FTO: variants seen among roughly 807,000 people sequenced by gnomAD.
FTO encodes the protein alpha-ketoglutarate-dependent dioxygenase FTO.
Under a neutral mutation model 63.9 loss-of-function variants are expected in FTO, and 47 were observed. The observed-to-expected ratio is 0.74, with a 90% CI of 0.58 to 0.94. FTO has a LOEUF of 0.94. Among genes scored for constraint, FTO ranks in the 40% least tolerant of loss-of-function variants. The pLI, the probability that FTO is intolerant of heterozygous loss-of-function variation, is 0.00. For missense variants in FTO, 562 were observed against 618.1 expected (o/e 0.91, Z 0.96); for synonymous variants, 207 against 224.4 (o/e 0.92, Z 0.69).
intron 7 of FTO, among the ~76,000 whole-genome samples, chr16:53,890,404 T>C (rs998090421): frequency 1.3e-5 from 2 of 152,176 alleles, no homozygotes; most frequent in Non-Finnish European, 2.9e-5. Context: ...TTCTTCTGTC[T>C]TATTTATTAT....
chr16:54,037,330 T>C (rs2084964068), intron 8 of FTO, among the ~76,000 whole-genome samples: 1 of 152,220 alleles, frequency 6.6e-6, no homozygotes, highest in African/African-American at 2.4e-5. Context: ...ACCACTCCTT[T>C]AAAGAGTAAG....
intron 8 of FTO, among the ~76,000 whole-genome samples, chr16:53,976,750 G>A (rs2083445599): frequency 6.6e-6 from 1 of 151,984 alleles, no homozygotes; most frequent in Non-Finnish European, 1.5e-5. Flanking sequence ...TCTTAAATGA[G>A]TTTTAAAATT....
intron 8 of FTO, among the ~76,000 whole-genome samples, chr16:53,958,532 G>C (rs1057341357): frequency 6.6e-6 from 1 of 152,220 alleles, no homozygotes; most frequent in African/African-American, 2.4e-5. Context: ...AAAAAAGAGA[G>C]AGCGAGATTA....
intron 1 of FTO, among the ~76,000 whole-genome samples, chr16:53,803,050 T>C (rs2078266222): frequency 6.6e-6 from 1 of 152,258 alleles, no homozygotes; most frequent in African/African-American, 2.4e-5. Context: ...GATTTTTCTC[T>C]TCATTATCAG....
intron 1 of FTO, among the ~76,000 whole-genome samples, chr16:53,749,882 T>C (rs927996139): frequency 6.6e-6 from 1 of 152,232 alleles, no homozygotes; most frequent in Admixed American, 6.5e-5. Flanking sequence ...AAATGCTTTT[T>C]CTGCATCTAA....
In FTO at chr16:53,888,975, G is replaced by A. The variant is rs117546833; in HGVS notation, c.1239+24G>A. 1,425 of 1,612,948 alleles carry A rather than the reference G, an allele frequency of 8.8e-4. 12 individuals carry two copies. In the East Asian group the frequency reaches 0.023, roughly 26 times the overall value. On this transcript the variant is annotated intron_variant, in intron 7 of 8. Coordinates refer to ENST00000471389, the MANE Select transcript of FTO (RefSeq NM_001080432.3). ...TGGTAAGTCCATCAGACCTGGGACC[G>A]TGTTTTCTGGGCTGCTGTGTTATAC...
chr16:53,957,179 C>T (rs911066070), intron 8 of FTO, among the ~76,000 whole-genome samples: 19 of 152,086 alleles, frequency 1.2e-4, no homozygotes, highest in Admixed American at 1.0e-3. Context: ...TTCTGACAGA[C>T]GTGTAAACAG....
rs971975038 is a variant in FTO at position 54,081,438 on chromosome 16, C to T, written c.1365-30324C>T. Among the ~76,000 whole-genome samples the T allele has an allele frequency of 3.9e-5, 6 of 152,120 alleles. No homozygotes were observed. The South Asian group carries it at 1.2e-3, about 32-fold the overall frequency. The stretch of plus-strand genomic sequence containing the variant: ...TTACACTCACAGATATGAAATCCAG[C>T]CTGACACCCAATCAGGACACATTCT... On this transcript the variant is annotated intron_variant, in intron 8 of 8. Transcript: ENST00000471389.
chr16:53,813,152 G>A (rs1368164197), intron 2 of FTO, among the ~76,000 whole-genome samples: 1 of 151,906 alleles, frequency 6.6e-6, no homozygotes, highest in Non-Finnish European at 1.5e-5. Context: ...ATCTTTCCAA[G>A]GCCCGCAACA....
intron 7 of FTO, chr16:53,911,224 C>G (rs2081691049): frequency 3.3e-6 from 2 of 601,294 alleles, no homozygotes; most frequent in African/African-American, 3.7e-5. Context: ...GAGACAGTGG[C>G]TGAGCGATTG....
intron 2 of FTO, among the ~76,000 whole-genome samples, chr16:53,815,546 T>C (rs750116709): frequency 4.6e-5 from 7 of 151,912 alleles, no homozygotes; most frequent in African/African-American, 1.7e-4. Flanking sequence ...TGTACCTCCT[T>C]GTTTTATAAA....
intron 8 of FTO, among the ~76,000 whole-genome samples, chr16:54,080,400 G>A (rs2086114014): frequency 1.3e-5 from 2 of 152,154 alleles, no homozygotes; most frequent in Non-Finnish European, 2.9e-5. Context: ...TTGCATTCAC[G>A]ATCTCGTTGA....
chr16:54,079,108 A>G (rs2086074707), intron 8 of FTO, among the ~76,000 whole-genome samples: 1 of 149,860 alleles, frequency 6.7e-6, no homozygotes, highest in Non-Finnish European at 1.5e-5. Flanking sequence ...AAACATTATT[A>G]CTGACTATTA....
At chr16:54,036,489 C>T (rs538747148) in intron 8 of FTO, among the ~76,000 whole-genome samples, 1 of 152,262 alleles carries the variant, frequency 6.6e-6, no homozygotes, top group South Asian at 2.1e-4. Context: ...AACTCAAAAC[C>T]TTGAGGTTCT....
At chr16:53,925,885 C>G (rs558910459) in intron 7 of FTO, among the ~76,000 whole-genome samples, 1 of 152,268 alleles carries the variant, frequency 6.6e-6, no homozygotes, top group African/African-American at 2.4e-5. Flanking sequence ...AGACAGGAAA[C>G]TTAAGCATAA....
chr16:54,093,044 G>A (rs1261959685), intron 8 of FTO, among the ~76,000 whole-genome samples: 1 of 152,092 alleles, frequency 6.6e-6, no homozygotes, highest in Non-Finnish European at 1.5e-5. Context: ...TAAATTAATG[G>A]TAGACTTCCT....
At chr16:53,985,515 T>TG (rs1338489719) in intron 8 of FTO, among the ~76,000 whole-genome samples, 2 of 152,186 alleles carry the variant, frequency 1.3e-5, no homozygotes, top group African/African-American at 4.8e-5. Flanking sequence ...TGGGACCCTT[T>TG]GGGGTCTTTG....
At chr16:53,746,890 T>C (rs2076663387) in intron 1 of FTO, among the ~76,000 whole-genome samples, 1 of 152,182 alleles carries the variant, frequency 6.6e-6, no homozygotes, top group African/African-American at 2.4e-5. Flanking sequence ...TACCCACCAT[T>C]CTATTCTTTG....
intron 1 of FTO, among the ~76,000 whole-genome samples, chr16:53,807,568 C>T (rs1054757564): frequency 1.3e-5 from 2 of 152,142 alleles, no homozygotes; most frequent in African/African-American, 2.4e-5. Context: ...GGAATCCATG[C>T]TTTTGTGCTC....
Sources: gnomAD v4.1 joint callset for allele counts (sites outside exome capture counted in the v4.1 genomes callset) on GRCh38, gnomAD v4.1.1 for gene constraint, MANE v1.5 for transcripts, NCBI Gene and HGNC (gene_info 2026-07-23, HGNC 2026-07-21) for gene names.